PLCG2: variants seen among roughly 807,000 people sequenced by gnomAD.
PLCG2 encodes the protein phospholipase C gamma 2.
Under a neutral mutation model 175.6 loss-of-function variants are expected in PLCG2, and 69 were observed. That is an observed-to-expected ratio of 0.39 (90% CI 0.32 to 0.48). The LOEUF (loss-of-function observed/expected upper bound fraction) is 0.48. PLCG2 is among the 20% of genes least tolerant of loss of function. The probability of loss-of-function intolerance (pLI) is 0.91; values close to 1 mark genes in which losing one functional copy is unlikely to be tolerated. For missense variants in PLCG2, 1,798 were observed against 1,650.9 expected (o/e 1.09, Z -1.54); for synonymous variants, 827 against 624.0 (o/e 1.33, Z -4.85).
chr16:81,743,649 T>C (rs1909643995), intron 1 of PLCG2, among the ~76,000 whole-genome samples: 1 of 152,092 alleles, frequency 6.6e-6, no homozygotes, highest in African/African-American at 2.4e-5. Flanking sequence ...TCCTCTCTCT[T>C]GTGGATGTGA....
upstream of PLCG2, among the ~76,000 whole-genome samples, chr16:81,775,505 T>C (rs184981645): frequency 1.2e-3 from 186 of 152,256 alleles, 1 homozygote; most frequent in Middle Eastern, 3.4e-3. Context: ...TTTTGCCCCA[T>C]GGGGATGAGG....
intron 31 of PLCG2, among the ~76,000 whole-genome samples, chr16:81,948,692 A>C (rs1412213227): frequency 2.6e-5 from 4 of 152,100 alleles, no homozygotes; most frequent in Non-Finnish European, 5.9e-5. Flanking sequence ...ACCTGGGGAG[A>C]CCTGGAGGGA....
At position 81,919,471 on chromosome 16, in the gene PLCG2, C is replaced by A; in HGVS notation, c.2055-13C>A. ...GATCTTGGCATGTCAACCCTGTGTTCTTCCTGCTCCAGGGCTAGGGGCAAG... is the reference window on the plus strand; with the variant it reads ...GATCTTGGCATGTCAACCCTGTGTTATTCCTGCTCCAGGGCTAGGGGCAAG... On this transcript the variant is annotated splice_polypyrimidine_tract_variant and intron_variant, in intron 19 of 32. Transcript: ENST00000564138. 1 of 1,608,912 alleles carries A rather than the reference C, an allele frequency of 6.2e-7. No individual in the cohort carries two copies. The highest frequency in any genetic ancestry group is 2.2e-5 in the East Asian group (1 of 44,768).
rs541214269 is a variant in PLCG2, at chr16:81,763,923, TG to T, written c.-48+7958del. On this transcript the variant is annotated intron_variant, in intron 2 of 5. Transcript: ENST00000565054. ...CGGAGGTTTCAGTGAGCCAAGATTTTGCCACTGCACTCCAGCCTGGGCGACA... is the reference window on the plus strand; with the variant it reads ...CGGAGGTTTCAGTGAGCCAAGATTTTCCACTGCACTCCAGCCTGGGCGACA... Among the ~76,000 whole-genome samples, 592 of 152,006 alleles carry T rather than the reference TG, an allele frequency of 3.9e-3. 3 individuals carry two copies. The highest frequency in any genetic ancestry group is 0.014 in the African/African-American group (565 of 41,456).
chr16:81,855,905 G>A lies in PLCG2; in HGVS notation c.337+1318G>A, dbSNP rs113242386. On this transcript the variant is annotated intron_variant, in intron 3 of 32. Transcript: ENST00000564138. The stretch of plus-strand genomic sequence containing the variant: ...ATGGAGGGGGAGTTGGTAGAGATGG[G>A]GTAGGAGGGCAAGGCCCGTGGCGGT... 5.9e-5 allele frequency among the ~76,000 whole-genome samples: 9 copies of A among 152,276 alleles called. 1 individual carries two copies. The highest frequency in any genetic ancestry group is 1.9e-4 in the African/African-American group (8 of 41,546).
intron 2 of PLCG2, among the ~76,000 whole-genome samples, chr16:81,839,371 A>G (rs181805743): frequency 1.8e-3 from 276 of 152,270 alleles, no homozygotes; most frequent in Admixed American, 3.6e-3. Flanking sequence ...AAAAATCTCT[A>G]TATAGTCTTT....
At chr16:81,936,522 G>T (rs1910720042) in intron 27 of PLCG2, 144 bp downstream of exon 27, 3 of 678,192 alleles carry the variant, frequency 4.4e-6, no homozygotes, top group Non-Finnish European at 7.7e-6. Flanking sequence ...GCAGAGTAAT[G>T]GTTAGTATGA....
At chr16:81,805,366 T>A (rs12598645) in intron 2 of PLCG2, among the ~76,000 whole-genome samples, 15 of 151,722 alleles carry the variant, frequency 9.9e-5, no homozygotes, top group Admixed American at 6.6e-4. Context: ...GGGTGTGGTG[T>A]CGGGTGCCTA....
chr16:81,889,153 TTC>T lies in PLCG2; in HGVS notation c.766-15_766-14del, dbSNP rs1356987751. The stretch of plus-strand genomic sequence containing the variant: ...CAGTTCTCACTTTGCTGATCTCTCG[TTC>T]TCTTTGTCATTTTAAGGAGCATTGG... On this transcript the variant is annotated splice_polypyrimidine_tract_variant and intron_variant, in intron 9 of 32. Coordinates refer to ENST00000564138, the MANE Select transcript of PLCG2 (RefSeq NM_002661.5). The T allele has an allele frequency of 2.7e-6, 4 of 1,482,074 alleles. No individual in the cohort carries two copies. In the Admixed American group the frequency reaches 5.3e-5, roughly 20 times the overall value. The allele number at this position is 1,482,074 out of a possible 1,614,324, so 91.8% of individuals were successfully genotyped here.
intron 9 of PLCG2, among the ~76,000 whole-genome samples, chr16:81,884,222 G>A (rs1377670896): frequency 6.6e-6 from 1 of 152,136 alleles, no homozygotes; most frequent in African/African-American, 2.4e-5. Flanking sequence ...ATTGTGGTGG[G>A]TGCCTGTAAT....
intron 2 of PLCG2, chr16:81,798,941 C>A (rs1467803208): frequency 6.6e-6 from 1 of 152,440 alleles, no homozygotes; most frequent in East Asian, 1.9e-4. Flanking sequence ...ATGTCCCTGG[C>A]CTGCCACCAG....
chr16:81,927,000 C>T, intron 22 of PLCG2, 82 bp from the exon 23 acceptor site: 1 of 866,010 alleles, frequency 1.2e-6, no homozygotes, highest in South Asian at 1.4e-5. Flanking sequence ...AGAATTGAGC[C>T]AGCAGCCGGG....
At chr16:81,936,137 G>A (rs1442799556) in intron 26 of PLCG2, 32 bp from the exon 27 acceptor site, 3 of 1,611,700 alleles carry the variant, frequency 1.9e-6, no homozygotes, top group Non-Finnish European at 1.7e-6. Context: ...ATGAGACACA[G>A]AAGTACTGAT....
chr16:81,883,858 A>G lies in PLCG2; in HGVS notation c.765+517A>G, dbSNP rs559667709. ...TTGCCTGTGGGCTCTGAGCCCAGCT[A>G]TAGACTCAAGGGGGGGTTGTGTTGC... On this transcript the variant is annotated intron_variant, in intron 9 of 32. Coordinates refer to ENST00000564138, the MANE Select transcript of PLCG2 (RefSeq NM_002661.5). Among the ~76,000 whole-genome samples, 99 of 152,302 alleles carry G rather than the reference A, an allele frequency of 6.5e-4. 2 individuals carry two copies. The highest frequency in any genetic ancestry group is 2.3e-3 in the African/African-American group (94 of 41,574).
intron 2 of PLCG2, among the ~76,000 whole-genome samples, chr16:81,805,783 G>GTTTTTTTTTTTTTTTTTTGTTTTTTTTT (rs35014411): frequency 2.4e-5 from 2 of 82,918 alleles, no homozygotes; most frequent in African/African-American, 5.5e-5. Flanking sequence ...TTTTTTTTTT[G>GTTTTTTTTTTTTTTTTTTGTTTTTTTTT]TTTTTTTTTT....
intron 2 of PLCG2, among the ~76,000 whole-genome samples, chr16:81,806,957 C>G (rs1458069739): frequency 1.3e-5 from 2 of 152,046 alleles, no homozygotes; most frequent in African/African-American, 4.8e-5. Flanking sequence ...AGCTTTTCCT[C>G]CAGGGAGCCG....
rs1342308720 is a variant in PLCG2, at chr16:81,961,399, A to G, written c.*3401A>G. ...GATACATTTCCAAAGAAGTTTTACT[A>G]TGTTTAATAATTTAGTGAAATTTGG... is the stretch of plus-strand genomic sequence containing the variant. On this transcript the variant is annotated 3_prime_UTR_variant, in exon 33 of 33. Transcript: ENST00000564138. 3 of 226,768 alleles carry G rather than the reference A, an allele frequency of 1.3e-5. No individual in the cohort carries two copies. Among genetic ancestry groups the G allele is most frequent in the Non-Finnish European group, 2.6e-5 (3 of 114,160 alleles). 14.0% of individuals were successfully genotyped at this position (226,768 alleles called of 1,614,324 possible).
intron 2 of PLCG2, among the ~76,000 whole-genome samples, chr16:81,786,880 A>T (rs1209575850): frequency 6.6e-6 from 1 of 152,228 alleles, no homozygotes. Context: ...TAAGGAGTCA[A>T]CTCAAATATT....
chr16:81,875,984 A>G (rs1452393490), intron 7 of PLCG2, among the ~76,000 whole-genome samples: 1 of 148,698 alleles, frequency 6.7e-6, no homozygotes, highest in Non-Finnish European at 1.5e-5. Flanking sequence ...GAGAAGTTAG[A>G]TAGAATCTCT....
Sources: allele counts gnomAD v4.1 joint callset (sites outside exome capture counted in the v4.1 genomes callset), GRCh38; gene constraint gnomAD v4.1.1; transcripts MANE v1.5; gene names NCBI Gene and HGNC (gene_info 2026-07-23, HGNC 2026-07-21).